TDRD3: variants seen among roughly 807,000 people sequenced by gnomAD.
The protein encoded by TDRD3 is tudor domain containing 3, also known as tudor domain-containing protein 3.
Under a neutral mutation model 86.7 loss-of-function variants are expected in TDRD3, and 45 were observed. The ratio of observed to expected loss-of-function variants is 0.52; its 90% CI spans 0.41 to 0.67. TDRD3 has a LOEUF of 0.67. Among genes scored for constraint, TDRD3 ranks in the 30% least tolerant of loss-of-function variants. The pLI, the probability that TDRD3 is intolerant of heterozygous loss-of-function variation, is 0.00. For missense variants in TDRD3, 814 were observed against 889.0 expected, an observed-to-expected ratio of 0.92 and a Z score of 1.07; for synonymous variants, 298 against 301.7, an observed-to-expected ratio of 0.99 and a Z score of 0.13.
chr13:60,534,436 C>T (rs1957653553), intron 11 of TDRD3, among the ~76,000 whole-genome samples: 2 of 152,170 alleles, frequency 1.3e-5, no homozygotes, highest in South Asian at 4.1e-4. Flanking sequence ...TGATAAGCCT[C>T]CGGACTTGCA....
chr13:60,560,436 CT>C (rs1958305995), intron 12 of TDRD3, among the ~76,000 whole-genome samples: 1 of 152,122 alleles, frequency 6.6e-6, no homozygotes, highest in African/African-American at 2.4e-5. Context: ...CTCCTACTGT[CT>C]TTTTTGTACT....
chr13:60,408,050 G>A (rs1032070593), intron 1 of TDRD3, among the ~76,000 whole-genome samples: 6 of 149,510 alleles, frequency 4.0e-5, no homozygotes, highest in South Asian at 4.3e-4. Context: ...TGCCTTTCAC[G>A]TCCCGCCATG....
chr13:60,455,635 T>G (rs1955650269), intron 3 of TDRD3, among the ~76,000 whole-genome samples: 2 of 152,212 alleles, frequency 1.3e-5, no homozygotes, highest in Non-Finnish European at 2.9e-5. Flanking sequence ...GCAATAATGG[T>G]GGAACATTGA....
intron 1 of TDRD3, among the ~76,000 whole-genome samples, chr13:60,412,928 C>T (rs369007441): frequency 2.0e-5 from 3 of 152,018 alleles, no homozygotes; most frequent in East Asian, 1.9e-4. Flanking sequence ...ATCTAAGATG[C>T]GTACTTTAAA....
intron 5 of TDRD3, 146 bp downstream of exon 5, chr13:60,467,525 G>T: frequency 2.3e-6 from 2 of 871,290 alleles, no homozygotes; most frequent in East Asian, 2.8e-5. Context: ...AACTATCTTT[G>T]TCTAAGTGTA....
intron 5 of TDRD3, among the ~76,000 whole-genome samples, chr13:60,467,830 C>T (rs9538716): frequency 0.15 from 22,837 of 152,168 alleles, 2,152 homozygotes; most frequent in South Asian, 0.28. Flanking sequence ...ATATTTTTCC[C>T]CATTTATATT....
At position 60,485,976 on chromosome 13, in the gene TDRD3, A is replaced by G. The variant is rs1232631715; in HGVS notation, c.717+28A>G. On this transcript the variant is annotated intron_variant, in intron 7 of 13. Transcript: ENST00000377881. Reference sequence around the variant, plus strand: ...AAGAAATCAAATCATTACACGTTTTATTTCTTATCATTATGTTCTATTTAG... The same window carrying G: ...AAGAAATCAAATCATTACACGTTTTGTTTCTTATCATTATGTTCTATTTAG... 3.8e-6 allele frequency: 6 copies of G among 1,571,360 alleles called. No individual in the cohort carries two copies. In the Admixed American group the frequency reaches 5.6e-5, roughly 15 times the overall value.
chr13:60,443,104 C>A (rs1955319260), intron 2 of TDRD3, among the ~76,000 whole-genome samples: 1 of 151,692 alleles, frequency 6.6e-6, no homozygotes, highest in South Asian at 2.1e-4. Flanking sequence ...TATGTATGTT[C>A]AGATGATTAA....
At chr13:60,430,309 CA>C (rs1954921716) in intron 1 of TDRD3, among the ~76,000 whole-genome samples, 1 of 152,126 alleles carries the variant, frequency 6.6e-6, no homozygotes, top group Non-Finnish European at 1.5e-5. Context: ...AGACCCTCAG[CA>C]TGGACTTTGT....
chr13:60,459,917 G>T (rs907919656), intron 3 of TDRD3, among the ~76,000 whole-genome samples: 1 of 152,168 alleles, frequency 6.6e-6, no homozygotes, highest in East Asian at 1.9e-4. Flanking sequence ...TACCACACCC[G>T]GTCCAGAGAG....
intron 6 of TDRD3, among the ~76,000 whole-genome samples, chr13:60,484,531 G>A (rs977794202): frequency 1.5e-5 from 2 of 134,616 alleles, no homozygotes; most frequent in Admixed American, 7.9e-5. Flanking sequence ...AAGGTTTATC[G>A]TGTGTGTGTG....
chr13:60,453,625 A>G (rs1955597635), intron 3 of TDRD3, among the ~76,000 whole-genome samples: 1 of 152,174 alleles, frequency 6.6e-6, no homozygotes, highest in Non-Finnish European at 1.5e-5. Context: ...CCCATTCTCC[A>G]TAAGACAGTG....
At chr13:60,448,270 C>G (rs1352008840) in intron 3 of TDRD3, among the ~76,000 whole-genome samples, 1 of 152,092 alleles carries the variant, frequency 6.6e-6, no homozygotes, top group Non-Finnish European at 1.5e-5. Context: ...GAATTTACAG[C>G]TCTCATTCTA....
chr13:60,494,379 G>A, intron 7 of TDRD3, 56 bp from the exon 8 acceptor site: 1 of 1,451,792 alleles, frequency 6.9e-7, no homozygotes, highest in Non-Finnish European at 9.2e-7. Flanking sequence ...TTAGTTTTTA[G>A]AACTATTTTT....
chr13:60,487,405 G>A (rs1191028612), intron 7 of TDRD3, among the ~76,000 whole-genome samples: 2 of 152,170 alleles, frequency 1.3e-5, no homozygotes, highest in Non-Finnish European at 2.9e-5. Context: ...GAACTCGGAA[G>A]GCGGAGGTTG....
intron 12 of TDRD3, among the ~76,000 whole-genome samples, chr13:60,559,126 T>C (rs1006776507): frequency 2.2e-4 from 34 of 152,310 alleles, no homozygotes; most frequent in African/African-American, 7.0e-4. Context: ...CTTAGAGTTA[T>C]TTGATTGAGA....
At chr13:60,485,257 C>A (rs1262188385) in intron 6 of TDRD3, among the ~76,000 whole-genome samples, 1 of 151,786 alleles carries the variant, frequency 6.6e-6, no homozygotes, top group East Asian at 1.9e-4. Context: ...TCTTTTTAGG[C>A]AGTGATGCCT....
chr13:60,552,974 G>T (rs183771521), intron 12 of TDRD3, among the ~76,000 whole-genome samples: 1 of 152,328 alleles, frequency 6.6e-6, no homozygotes, highest in Non-Finnish European at 1.5e-5. Context: ...AGGCCTTCGG[G>T]CCTGTGATGG....
At chr13:60,551,489 T>A (rs897172630) in intron 12 of TDRD3, among the ~76,000 whole-genome samples, 6 of 152,172 alleles carry the variant, frequency 3.9e-5, no homozygotes, top group African/African-American at 1.4e-4. Context: ...TGCCCCTTAA[T>A]TGCAGCAGCA....
Sources: allele counts gnomAD v4.1 joint callset (sites outside exome capture counted in the v4.1 genomes callset), GRCh38; gene constraint gnomAD v4.1.1; transcripts MANE v1.5; gene names NCBI Gene and HGNC (gene_info 2026-07-23, HGNC 2026-07-21).